Variants in MFHAS1 observed in about 807,000 individuals in gnomAD.
MFHAS1 encodes the protein malignant fibrous histiocytoma-amplified sequence 1.
MFHAS1 carries 50 observed loss-of-function variants against 70.4 expected under a neutral mutation model. That is an observed-to-expected ratio of 0.71 (90% confidence interval 0.57 to 0.90). The LOEUF (loss-of-function observed/expected upper bound fraction) is 0.90. Among genes scored for constraint, MFHAS1 ranks in the 40% least tolerant of loss-of-function variants. The pLI is 0.00. For missense variants in MFHAS1, 1,795 were observed against 1,347.6 expected, an observed-to-expected ratio of 1.33 and a Z score of -5.20; for synonymous variants, 952 against 620.0, an observed-to-expected ratio of 1.54 and a Z score of -7.96.
At chr8:8,842,631 G>A (rs954780600) in intron 1 of MFHAS1, among the ~76,000 whole-genome samples, 10 of 152,112 alleles carry the variant, frequency 6.6e-5, no homozygotes, top group South Asian at 2.1e-4. Context: ...CAGCAGCACC[G>A]GCATCACCCA....
At chr8:8,862,691 G>C (rs898478930) in intron 1 of MFHAS1, among the ~76,000 whole-genome samples, 3 of 152,132 alleles carry the variant, frequency 2.0e-5, no homozygotes, top group African/African-American at 4.8e-5. Flanking sequence ...AGAACACTAA[G>C]AGTGAACCCT....
At chr8:8,828,297 G>A (rs1001416491) in intron 1 of MFHAS1, among the ~76,000 whole-genome samples, 1 of 152,164 alleles carries the variant, frequency 6.6e-6, no homozygotes, top group African/African-American at 2.4e-5. Context: ...TGTCTAATAG[G>A]ATATAGTTTG....
At position 8,890,714 on chromosome 8, in the gene MFHAS1, G is replaced by A. The variant is rs775430527; in HGVS notation, c.2345C>T (p.Ala782Val). The stretch of plus-strand genomic sequence containing the variant: ...CTCCACATACTGATGGAGCTGGGTG[G>A]CCCGGAGCAGTTCCTGGCTGGGGGT... ...RSTPSQELLR[A>V]TQLHQYVEGF... The change falls in exon 1 of 3, where the codon GCC becomes GTC. Residue 782 changes from alanine (A) to valine (V), a missense_variant. Coordinates refer to ENST00000276282, the MANE Select transcript of MFHAS1 (RefSeq NM_004225.3). 32 of 1,613,640 alleles carry A rather than the reference G, an allele frequency of 2.0e-5. 1 individual carries two copies. The highest frequency in any genetic ancestry group is 2.5e-5 in the Non-Finnish European group (30 of 1,179,754).
intron 1 of MFHAS1, among the ~76,000 whole-genome samples, chr8:8,823,505 T>C (rs779039553): frequency 6.6e-6 from 1 of 152,152 alleles, no homozygotes; most frequent in Non-Finnish European, 1.5e-5. Flanking sequence ...GGTTTATCTC[T>C]AGGGTCTCTT....
At position 8,892,938 on chromosome 8, in the gene MFHAS1, G is replaced by GGCA; in HGVS notation, c.118_120dup (p.Cys40dup). On this transcript the variant is annotated inframe_insertion, in exon 1 of 3. Coordinates refer to ENST00000276282, the MANE Select transcript of MFHAS1 (RefSeq NM_004225.3). This position sits in a 1 kb window ranked among gnomAD's most constrained non-coding sequence, Gnocchi z 4.7. Reference sequence around the variant, plus strand: ...TCGAGCGCGTCGGCCCCGGCCCCGGGGCAGGCCCCGGCGGCGGTAAGCGTG... The same window carrying GGCA: ...TCGAGCGCGTCGGCCCCGGCCCCGGGGCAGCAGGCCCCGGCGGCGGTAAGCGTG... 1.9e-6 allele frequency: 3 copies of GGCA among 1,547,556 alleles called. No homozygotes were observed. Among genetic ancestry groups the GGCA allele is most frequent in the Non-Finnish European group, 2.6e-6 (3 of 1,149,902 alleles).
intron 2 of MFHAS1, among the ~76,000 whole-genome samples, chr8:8,794,557 G>C (rs1003357151): frequency 6.6e-6 from 1 of 152,136 alleles, no homozygotes; most frequent in Admixed American, 6.5e-5. Context: ...TCACATCTAC[G>C]TGTGCTTTTC....
rs757016507 is a variant in MFHAS1, at chr8:8,892,865, A to C, written c.194T>G (p.Ile65Ser). 1 of 1,594,318 alleles carries C rather than the reference A, an allele frequency of 6.3e-7. No individual in the cohort carries two copies. Among genetic ancestry groups the C allele is most frequent in the Admixed American group, 1.7e-5 (1 of 57,604 alleles). The change falls in exon 1 of 3, where the codon ATT becomes AGT. Residue 65 changes from isoleucine (I) to serine (S), a missense_variant. By Grantham distance (142) the Ile-to-Ser change is moderately radical (BLOSUM62 -2). Transcript: ENST00000276282. The surrounding 1 kb of genome is among the most constrained non-coding windows in gnomAD (Gnocchi z 4.7). The part of the protein sequence containing the change: ...QLVLPANLGD[I>S]EALNLGNNGL... ...GTTGTTCCCCAGGTTCAGTGCCTCA[A>C]TGTCCCCGAGGTTGGCCGGCAGCAC...
At chr8:8,815,063 G>A (rs1043092848) in intron 1 of MFHAS1, among the ~76,000 whole-genome samples, 2 of 151,948 alleles carry the variant, frequency 1.3e-5, no homozygotes, top group African/African-American at 4.8e-5. Flanking sequence ...TTCCCTCCCT[G>A]TGTCCATGGG....
intron 1 of MFHAS1, among the ~76,000 whole-genome samples, chr8:8,808,124 G>A (rs370844219): frequency 5.3e-5 from 8 of 151,534 alleles, no homozygotes; most frequent in African/African-American, 1.2e-4. Flanking sequence ...CACTGTAGAC[G>A]CTCCCCTGGG....
chr8:8,891,346 G>C lies in MFHAS1; in HGVS notation c.1713C>G (p.Arg571=). Residue 571 remains arginine (R), a synonymous_variant, in exon 1 of 3, where the codon CGC becomes CGG. Transcript: ENST00000276282. This position sits in a 1 kb window ranked among gnomAD's most constrained non-coding sequence, Gnocchi z 5.4. The part of the protein sequence containing the change: ...QEKHDAEGLS[R]LAKVVDEALA... Reference sequence around the variant, plus strand: ...GTGCCTCGTCCACCACCTTGGCCAAGCGGCTCAGTCCCTCCGCGTCGTGCT... The same window carrying C: ...GTGCCTCGTCCACCACCTTGGCCAACCGGCTCAGTCCCTCCGCGTCGTGCT... The C allele has an allele frequency of 1.2e-6, 2 of 1,611,146 alleles. No homozygotes were observed. The highest frequency in any genetic ancestry group is 2.2e-5 in the South Asian group (2 of 91,082).
At chr8:8,824,521 T>A (rs1210926629) in intron 1 of MFHAS1, among the ~76,000 whole-genome samples, 5 of 146,024 alleles carry the variant, frequency 3.4e-5, no homozygotes, top group African/African-American at 7.7e-5. Context: ...TCTCTCTCTT[T>A]CACACACACA....
At chr8:8,806,548 C>T (rs1806296531) in intron 1 of MFHAS1, among the ~76,000 whole-genome samples, 1 of 152,222 alleles carries the variant, frequency 6.6e-6, no homozygotes, top group African/African-American at 2.4e-5. Flanking sequence ...TTTAAACTTA[C>T]TGTTCTCAGC....
intron 1 of MFHAS1, among the ~76,000 whole-genome samples, chr8:8,832,423 C>G (rs1807433995): frequency 1.8e-5 from 1 of 54,658 alleles, no homozygotes; most frequent in Non-Finnish European, 4.5e-5. Context: ...GAACAAGATA[C>G]TTCACACACA....
intron 1 of MFHAS1, among the ~76,000 whole-genome samples, chr8:8,876,612 C>A (rs977279457): frequency 2.6e-5 from 4 of 151,782 alleles, no homozygotes; most frequent in Non-Finnish European, 5.9e-5. Flanking sequence ...GTGTATGCAT[C>A]GTGATCCTCC....
intron 1 of MFHAS1, among the ~76,000 whole-genome samples, chr8:8,805,110 C>T (rs566400099): frequency 4.6e-5 from 7 of 152,244 alleles, no homozygotes; most frequent in East Asian, 3.9e-4. Context: ...CAGATCACAA[C>T]GGCCCTTCCA....
At chr8:8,856,552 A>G (rs1386546454) in intron 1 of MFHAS1, among the ~76,000 whole-genome samples, 1 of 152,264 alleles carries the variant, frequency 6.6e-6, no homozygotes, top group Non-Finnish European at 1.5e-5. Flanking sequence ...AACACTGAAT[A>G]TATTTAATAT....
chr8:8,867,241 T>A (rs1156437912), intron 1 of MFHAS1, among the ~76,000 whole-genome samples: 1 of 152,224 alleles, frequency 6.6e-6, no homozygotes, highest in South Asian at 2.1e-4. Context: ...CATCAGCATA[T>A]GCAAACCCAC....
intron 1 of MFHAS1, among the ~76,000 whole-genome samples, chr8:8,838,591 T>C (rs1216703642): frequency 1.3e-5 from 2 of 152,010 alleles, no homozygotes; most frequent in African/African-American, 2.4e-5. Flanking sequence ...GGCGGGCGGA[T>C]CACCTGAGGT....
chr8:8,860,691 C>T (rs1427059023), intron 1 of MFHAS1, among the ~76,000 whole-genome samples: 2 of 152,150 alleles, frequency 1.3e-5, no homozygotes, highest in East Asian at 1.9e-4. Context: ...GGACTGAGGG[C>T]TCCACGCATT....
Sources: allele counts gnomAD v4.1 joint callset (sites outside exome capture counted in the v4.1 genomes callset), GRCh38; gene constraint gnomAD v4.1.1; non-coding constraint Gnocchi (gnomAD v3.1); transcripts MANE v1.5; gene names NCBI Gene and HGNC (gene_info 2026-07-23, HGNC 2026-07-21).